STOX2: variants seen among roughly 807,000 people sequenced by gnomAD.
STOX2 encodes storkhead box 2, also known as storkhead-box protein 2.
A neutral mutation model predicts 60.9 loss-of-function variants in STOX2; 28 were observed. The ratio of observed to expected loss-of-function variants is 0.46; its 90% CI spans 0.34 to 0.63. The LOEUF (loss-of-function observed/expected upper bound fraction) is 0.63. Ranked by LOEUF, STOX2 falls within the 30% of genes least tolerant of loss-of-function variation. The pLI, the probability that STOX2 is intolerant of heterozygous loss-of-function variation, is 0.01. For synonymous variants in STOX2, 472 were observed against 463.9 expected (o/e 1.02, Z -0.22); for missense variants, 1,024 against 1,187.7 (o/e 0.86, Z 2.03).
intron 1 of STOX2, among the ~76,000 whole-genome samples, chr4:183,801,820 G>T (rs1579281527): frequency 1.3e-5 from 2 of 152,160 alleles, no homozygotes; most frequent in East Asian, 3.9e-4. Context: ...CTAAGCAAGG[G>T]TGGGAATGAA....
chr4:183,907,869 T>C (rs1261769466), intron 1 of STOX2, among the ~76,000 whole-genome samples: 8 of 152,220 alleles, frequency 5.3e-5, no homozygotes, highest in Non-Finnish European at 1.2e-4. Context: ...CATCGGTTCT[T>C]ATTTATTTTT....
At chr4:183,969,193 C>G (rs1743666791) in intron 1 of STOX2, among the ~76,000 whole-genome samples, 2 of 152,192 alleles carry the variant, frequency 1.3e-5, no homozygotes, top group African/African-American at 4.8e-5. Context: ...AGAATGTAGT[C>G]TGCTTCATCA....
chr4:183,821,274 G>A lies in STOX2; in HGVS notation c.364+23219G>A, dbSNP rs1004318672. 7.2e-5 allele frequency among the ~76,000 whole-genome samples: 11 copies of A among 152,180 alleles called. No homozygotes were observed. The highest frequency in any genetic ancestry group is 2.1e-4 in the South Asian group (1 of 4,826). The stretch of plus-strand genomic sequence containing the variant: ...AGAACCCTCCCTTGGCTGGAGGCCC[G>A]TGTGTAACCATATGGTGCTTCACGG... On this transcript the variant is annotated intron_variant, in intron 1 of 2. Coordinates refer to the STOX2 transcript ENST00000513034. This position sits in a 1 kb window ranked among gnomAD's most constrained non-coding sequence, Gnocchi z 4.2.
chr4:183,801,395 T>G (rs1670816635), intron 1 of STOX2, among the ~76,000 whole-genome samples: 2 of 152,222 alleles, frequency 1.3e-5, no homozygotes, highest in African/African-American at 2.4e-5. Context: ...AGCCCATACA[T>G]GTTTATTGAG....
chr4:183,971,576 G>A (rs1419112241), intron 1 of STOX2, among the ~76,000 whole-genome samples: 1 of 152,186 alleles, frequency 6.6e-6, no homozygotes, highest in African/African-American at 2.4e-5. Flanking sequence ...CCACAAAAAG[G>A]AAGCTAACTT....
At chr4:183,843,405 A>G (rs1303365774) in intron 1 of STOX2, among the ~76,000 whole-genome samples, 2 of 152,186 alleles carry the variant, frequency 1.3e-5, no homozygotes, top group Non-Finnish European at 1.5e-5. Context: ...TTTCCACTCA[A>G]TTTTTAGACT....
At chr4:183,876,727 G>A (rs1371721228) in intron 1 of STOX2, among the ~76,000 whole-genome samples, 4 of 152,340 alleles carry the variant, frequency 2.6e-5, no homozygotes, top group African/African-American at 4.8e-5. Flanking sequence ...GAGCCAAGTC[G>A]TTCACGGCTG....
chr4:183,923,542 G>A (rs936501031), intron 1 of STOX2, among the ~76,000 whole-genome samples: 3 of 152,140 alleles, frequency 2.0e-5, no homozygotes, highest in African/African-American at 4.8e-5. Flanking sequence ...ACCAACAAAC[G>A]TGCTCCTGGT....
intron 1 of STOX2, among the ~76,000 whole-genome samples, chr4:183,983,240 G>C (rs1208785198): frequency 6.6e-6 from 1 of 152,188 alleles, no homozygotes; most frequent in Admixed American, 6.5e-5. Flanking sequence ...GCACCTCTCA[G>C]TTCCCTCCAT....
chr4:183,945,612 GAA>G (rs1350035744), intron 1 of STOX2, among the ~76,000 whole-genome samples: 1 of 152,156 alleles, frequency 6.6e-6, no homozygotes, highest in Non-Finnish European at 1.5e-5. Context: ...CGCAGAAAAA[GAA>G]AAAGTTCTGT....
At chr4:183,990,187 A>G (rs4397039) in intron 1 of STOX2, among the ~76,000 whole-genome samples, 117,874 of 152,062 alleles carry the variant, frequency 0.78, 45,776 homozygotes, top group Middle Eastern at 0.84. Flanking sequence ...TTGCAAATAC[A>G]GTTCCATCAT....
chr4:183,985,902 G>A (rs1732819518), intron 1 of STOX2, among the ~76,000 whole-genome samples: 2 of 152,302 alleles, frequency 1.3e-5, no homozygotes, highest in South Asian at 2.1e-4. Context: ...ATCAGACCAC[G>A]CCCGACAGGA....
chr4:183,826,973 A>G (rs548778987), intron 1 of STOX2, among the ~76,000 whole-genome samples: 1 of 152,336 alleles, frequency 6.6e-6, no homozygotes, highest in African/African-American at 2.4e-5. Context: ...CAGGCATTAC[A>G]TATAACATGA....
intron 1 of STOX2, among the ~76,000 whole-genome samples, chr4:183,924,856 G>A (rs1309795077): frequency 1.3e-5 from 2 of 152,150 alleles, no homozygotes; most frequent in African/African-American, 4.8e-5. Flanking sequence ...AGATACCAGA[G>A]TCAAGATAGC....
At chr4:183,855,764 C>T (rs921534655) in intron 1 of STOX2, among the ~76,000 whole-genome samples, 4 of 152,240 alleles carry the variant, frequency 2.6e-5, no homozygotes, top group East Asian at 3.9e-4. Context: ...GACTATGCAG[C>T]GGAAGGTATG....
chr4:183,912,465 A>G (rs1018657472), intron 1 of STOX2, among the ~76,000 whole-genome samples: 1 of 152,114 alleles, frequency 6.6e-6, no homozygotes, highest in East Asian at 1.9e-4. Flanking sequence ...CACCTTGTGT[A>G]CCTGTTGTAG....
Position 183,906,697 on chromosome 4 carries a change from GC to G in STOX2, c.-91del, listed in dbSNP as rs1741622656. 7.5e-7 allele frequency: 1 copy of G among 1,335,774 alleles called. No homozygotes were observed. 82.7% of individuals were successfully genotyped at this position (1,335,774 alleles called of 1,614,324 possible). On this transcript the variant is annotated 5_prime_UTR_variant, in exon 1 of 4. An upstream open reading frame in the 5' UTR loses its in-frame stop. Coordinates refer to ENST00000308497, the MANE Select transcript of STOX2 (RefSeq NM_020225.3). ...GGCTGGGAAAATGTGCGCAGAGTCC[GC>G]CCGGGTCGTGCCCGCCGTAGACGGA...
chr4:183,955,048 T>G (rs141035766), intron 1 of STOX2, among the ~76,000 whole-genome samples: 2,400 of 152,332 alleles, frequency 0.016, 51 homozygotes, highest in Middle Eastern at 0.041. Context: ...CTCTTCAGAC[T>G]CCTCTAGTTG....
intron 2 of STOX2, among the ~76,000 whole-genome samples, chr4:184,007,011 G>C (rs1450845221): frequency 3.2e-5 from 2 of 62,024 alleles, no homozygotes; most frequent in Non-Finnish European, 4.9e-5. Context: ...GCGAGACTCT[G>C]TCTCAAAAAA....
Sources: gnomAD v4.1 joint callset for allele counts (sites outside exome capture counted in the v4.1 genomes callset) on GRCh38, gnomAD v4.1.1 for gene constraint, Gnocchi (gnomAD v3.1) non-coding constraint, MANE v1.5 for transcripts, NCBI Gene and HGNC (gene_info 2026-07-23, HGNC 2026-07-21) for gene names.